The following MIPOL1 variants were observed in gnomAD, a reference collection of about 807,000 sequenced individuals.
MIPOL1 encodes the protein mirror-image polydactyly 1.
A neutral mutation model predicts 60.9 loss-of-function variants in MIPOL1; 57 were observed. The ratio of observed to expected loss-of-function variants is 0.94; its 90% CI spans 0.76 to 1.17. The LOEUF is 1.17. Among genes scored for constraint, MIPOL1 ranks in the 50% most tolerant of loss-of-function variants. MIPOL1 has a pLI of 0.00. For synonymous variants in MIPOL1, 179 were observed against 168.8 expected (o/e 1.06, Z -0.47); for missense variants, 551 against 511.6 (o/e 1.08, Z -0.74).
chr14:37,218,928 A>T (rs961614145), intron 1 of MIPOL1, among the ~76,000 whole-genome samples: 2 of 136,604 alleles, frequency 1.5e-5, no homozygotes, highest in African/African-American at 6.3e-5. Flanking sequence ...CTATTTCAAA[A>T]AAAAAAAAAA....
chr14:37,455,067 G>T (rs2094462467), intron 11 of MIPOL1, among the ~76,000 whole-genome samples: 2 of 151,900 alleles, frequency 1.3e-5, no homozygotes, highest in Non-Finnish European at 2.9e-5. Flanking sequence ...TCTCTCTTTA[G>T]TTTCAGTTTG....
At chr14:37,539,151 G>A (rs1420324150) in intron 12 of MIPOL1, among the ~76,000 whole-genome samples, 1 of 151,884 alleles carries the variant, frequency 6.6e-6, no homozygotes, top group African/African-American at 2.4e-5. Context: ...GCAGTGAGCC[G>A]AGATCGTGCC....
At chr14:37,333,331 C>A (rs942500110) in intron 9 of MIPOL1, among the ~76,000 whole-genome samples, 2 of 151,994 alleles carry the variant, frequency 1.3e-5, no homozygotes, top group Non-Finnish European at 2.9e-5. Context: ...TTACACAGTT[C>A]ATCTGTGAGA....
intron 7 of MIPOL1, among the ~76,000 whole-genome samples, chr14:37,288,364 G>T (rs1307212285): frequency 6.6e-6 from 1 of 152,050 alleles, no homozygotes; most frequent in Non-Finnish European, 1.5e-5. Context: ...TACAAAGTTT[G>T]TCAGGAACTG....
chr14:37,284,583 TC>T (rs1484433246), intron 6 of MIPOL1, among the ~76,000 whole-genome samples: 2 of 151,830 alleles, frequency 1.3e-5, no homozygotes, highest in Non-Finnish European at 2.9e-5. Flanking sequence ...GACCTGGTGA[TC>T]CACCTGCCTC....
chr14:37,499,866 TTTACA>T, intron 11 of MIPOL1, 37 bp from the exon 12 acceptor site: 2 of 1,099,746 alleles, frequency 1.8e-6, no homozygotes, highest in Non-Finnish European at 2.6e-6. Context: ...GATCACTCAG[TTTACA>T]TTACTTATCT....
intron 10 of MIPOL1, among the ~76,000 whole-genome samples, chr14:37,410,577 A>C (rs1164388893): frequency 3.9e-5 from 6 of 152,192 alleles, no homozygotes; most frequent in African/African-American, 1.4e-4. Context: ...GAATCGGAAC[A>C]CAAAAGAAAA....
chr14:37,446,574 G>A (rs1015451037), intron 11 of MIPOL1, among the ~76,000 whole-genome samples: 1 of 91,906 alleles, frequency 1.1e-5, no homozygotes, highest in East Asian at 2.7e-4. Flanking sequence ...CCATTACTGG[G>A]TATATACCCA....
intron 11 of MIPOL1, among the ~76,000 whole-genome samples, chr14:37,465,036 T>C (rs745788933): frequency 6.6e-6 from 1 of 152,182 alleles, no homozygotes; most frequent in Non-Finnish European, 1.5e-5. Context: ...TGATCTGACG[T>C]TGATCTCTGG....
intron 3 of MIPOL1, among the ~76,000 whole-genome samples, chr14:37,248,377 AAG>A (rs1358930501): frequency 6.6e-6 from 1 of 152,014 alleles, no homozygotes; most frequent in Non-Finnish European, 1.5e-5. Flanking sequence ...GGCACACAGA[AAG>A]AGAAGCATAC....
intron 12 of MIPOL1, among the ~76,000 whole-genome samples, chr14:37,531,809 T>C (rs2095481202): frequency 6.6e-6 from 1 of 152,160 alleles, no homozygotes; most frequent in South Asian, 2.1e-4. Flanking sequence ...TCATTGGCCT[T>C]ACAGAGCTGG....
chr14:37,256,709 A>T (rs1271340393), intron 3 of MIPOL1, among the ~76,000 whole-genome samples: 2 of 149,986 alleles, frequency 1.3e-5, no homozygotes, highest in East Asian at 3.9e-4. Context: ...TTTTTTCGTT[A>T]AAAAAGCAGT....
Position 37,285,399 on chromosome 14 carries a change from G to C in MIPOL1, c.575G>C (p.Arg192Thr). 6.2e-7 allele frequency: 1 copy of C among 1,613,956 alleles called. No homozygotes were observed. Among genetic ancestry groups the C allele is most frequent in the Non-Finnish European group, 8.5e-7 (1 of 1,179,962 alleles). ...AGACTGCAATTAGCCATTGAGGAGA[G>C]AGATGAAGCAATTGCACGAGCCAAG... ...MSRLQLAIEE[R>T]DEAIARAKHM... Residue 192 changes from arginine (R) to threonine (T), a missense_variant, in exon 7 of 13, where the codon AGA becomes ACA. Arg to Thr is a moderately conservative substitution (Grantham distance 71). Coordinates refer to ENST00000684589, the MANE Select transcript of MIPOL1 (RefSeq NM_001388067.1).
chr14:37,246,963 G>A (rs888656796), intron 1 of MIPOL1, 140 bp from the exon 2 acceptor site: 1 of 152,014 alleles, frequency 6.6e-6, no homozygotes, highest in East Asian at 1.9e-4. Context: ...ATTAAAGACT[G>A]TATTTTCTAC....
chr14:37,326,638 A>C (rs1436076939), intron 9 of MIPOL1, among the ~76,000 whole-genome samples: 1 of 152,206 alleles, frequency 6.6e-6, no homozygotes, highest in Non-Finnish European at 1.5e-5. Context: ...GGCTGTAGCC[A>C]GGTCAACATT....
chr14:37,336,255 C>T (rs2090106233), intron 9 of MIPOL1, among the ~76,000 whole-genome samples: 1 of 151,496 alleles, frequency 6.6e-6, no homozygotes, highest in African/African-American at 2.4e-5. Flanking sequence ...CCCCACTATT[C>T]TGTTTTACTG....
chr14:37,519,830 C>A (rs2095399597), intron 12 of MIPOL1, among the ~76,000 whole-genome samples: 1 of 152,074 alleles, frequency 6.6e-6, no homozygotes. Flanking sequence ...TAGACTTGAA[C>A]AATTGTGGTT....
intron 9 of MIPOL1, among the ~76,000 whole-genome samples, chr14:37,354,985 G>T (rs1429704257): frequency 5.5e-5 from 6 of 109,628 alleles, no homozygotes; most frequent in Non-Finnish European, 1.1e-4. Flanking sequence ...GTTAGTTGAT[G>T]CAGTTTCTTC....
intron 11 of MIPOL1, among the ~76,000 whole-genome samples, chr14:37,447,182 C>T (rs1230595026): frequency 1.3e-5 from 2 of 151,992 alleles, no homozygotes; most frequent in Non-Finnish European, 2.9e-5. Flanking sequence ...GGCCACCATT[C>T]AAGAAGTAGT....
Sources: allele counts gnomAD v4.1 joint callset (sites outside exome capture counted in the v4.1 genomes callset), GRCh38; gene constraint gnomAD v4.1.1; transcripts MANE v1.5; gene names NCBI Gene and HGNC (gene_info 2026-07-23, HGNC 2026-07-21).